The following PLEKHG7 variants were observed in gnomAD, a reference collection of about 807,000 sequenced individuals.
PLEKHG7 encodes the protein pleckstrin homology domain-containing family G member 7.
A neutral mutation model predicts 85.2 loss-of-function variants in PLEKHG7; 77 were observed. The observed-to-expected ratio is 0.90, with a 90% CI of 0.75 to 1.09. PLEKHG7 has a LOEUF of 1.09. Among genes scored for constraint, PLEKHG7 ranks in the 50% least tolerant of loss-of-function variants. The pLI, the probability that PLEKHG7 is intolerant of heterozygous loss-of-function variation, is 0.00. For missense variants in PLEKHG7, 777 were observed against 804.3 expected (o/e 0.97, Z 0.41); for synonymous variants, 301 against 302.4 (o/e 1.00, Z 0.05).
At chr12:92,761,683 A>C in intron 13 of PLEKHG7, 69 bp from the exon 14 acceptor site, 1 of 1,392,824 alleles carries the variant, frequency 7.2e-7, no homozygotes. Context: ...AGAAAGAAAG[A>C]AAGGGAAAGA....
intron 1 of PLEKHG7, among the ~76,000 whole-genome samples, chr12:92,705,641 C>A: frequency 6.6e-6 from 1 of 152,352 alleles, no homozygotes; most frequent in Middle Eastern, 3.4e-3. Flanking sequence ...ATGGGTCTCT[C>A]GCCTGTCCCA....
intron 7 of PLEKHG7, among the ~76,000 whole-genome samples, chr12:92,737,941 G>A (rs190426998): frequency 2.6e-5 from 4 of 152,286 alleles, no homozygotes; most frequent in Admixed American, 2.0e-4. Flanking sequence ...CCCATCCGAT[G>A]TTGAATGAAT....
chr12:92,718,985 G>A (rs949073604), intron 3 of PLEKHG7, among the ~76,000 whole-genome samples: 1 of 152,174 alleles, frequency 6.6e-6, no homozygotes, highest in African/African-American at 2.4e-5. Flanking sequence ...TGTTCACTCT[G>A]CATTTATGAG....
At chr12:92,725,531 G>A (rs1871769116) in intron 3 of PLEKHG7, among the ~76,000 whole-genome samples, 1 of 152,134 alleles carries the variant, frequency 6.6e-6, no homozygotes, top group Non-Finnish European at 1.5e-5. Flanking sequence ...GCCCTGATCT[G>A]GTGGAGACAT....
chr12:92,735,842 GC>G (rs1872129576), intron 5 of PLEKHG7, among the ~76,000 whole-genome samples: 1 of 151,826 alleles, frequency 6.6e-6, no homozygotes, highest in Non-Finnish European at 1.5e-5. Flanking sequence ...CACATTTCAT[GC>G]TTTTTTTTGT....
intron 16 of PLEKHG7, among the ~76,000 whole-genome samples, chr12:92,769,549 G>GT (rs1873338586): frequency 1.3e-5 from 2 of 152,256 alleles, no homozygotes; most frequent in East Asian, 3.9e-4. Flanking sequence ...AACTGCCATT[G>GT]TTTTTACAGC....
intron 5 of PLEKHG7, among the ~76,000 whole-genome samples, chr12:92,732,606 A>ATGCC (rs1387239109): frequency 3.9e-5 from 6 of 152,244 alleles, no homozygotes; most frequent in Admixed American, 3.9e-4. Context: ...GCACAAATGT[A>ATGCC]TGCCCCAGTT....
At chr12:92,713,031 G>A (rs1240316967) in intron 3 of PLEKHG7, among the ~76,000 whole-genome samples, 4 of 152,180 alleles carry the variant, frequency 2.6e-5, no homozygotes, top group Admixed American at 1.3e-4. Flanking sequence ...AAAGGCCAGA[G>A]GTCTCCATAG....
In PLEKHG7 at chr12:92,736,446, T is replaced by C. The variant is rs184371397; in HGVS notation, c.700-36T>C. The C allele has an allele frequency of 3.1e-4, 359 of 1,153,690 alleles. 2 individuals are homozygous for C. In the East Asian group the frequency reaches 0.01, roughly 33 times the overall value. 71.5% of individuals were successfully genotyped at this position (1,153,690 alleles called of 1,614,324 possible). ...CGAAGTCATGTCATTAAAGAATCAA[T>C]GTTTGAAAATCCTGTTTCTAACCAT... On this transcript the variant is annotated intron_variant, in intron 5 of 16. Transcript: ENST00000344636.
intron 15 of PLEKHG7, among the ~76,000 whole-genome samples, chr12:92,766,401 G>C (rs1323953116): frequency 3.3e-5 from 5 of 152,192 alleles, no homozygotes; most frequent in Admixed American, 3.3e-4. Context: ...AGAGGATGCA[G>C]CTTGGCTGAG....
At chr12:92,740,970 A>T in intron 8 of PLEKHG7, 22 bp downstream of exon 8, 2 of 1,508,410 alleles carry the variant, frequency 1.3e-6, no homozygotes, top group South Asian at 1.1e-5. Flanking sequence ...AGGAAGATTC[A>T]TGTTTTAACA....
intron 9 of PLEKHG7, among the ~76,000 whole-genome samples, chr12:92,742,293 T>C (rs1872381824): frequency 6.6e-6 from 1 of 152,144 alleles, no homozygotes; most frequent in African/African-American, 2.4e-5. Flanking sequence ...ATTGTAAGTC[T>C]TGTAGGGGAG....
At chr12:92,766,735 C>T (rs578172013) in intron 15 of PLEKHG7, among the ~76,000 whole-genome samples, 1 of 152,222 alleles carries the variant, frequency 6.6e-6, no homozygotes, top group Admixed American at 6.5e-5. Flanking sequence ...GAGACAAAGG[C>T]ACGAGAATCA....
At position 92,755,942 on chromosome 12, in the gene PLEKHG7, T is replaced by G; in HGVS notation, c.1542+2T>G. 6.3e-7 allele frequency: 1 copy of G among 1,578,944 alleles called. No individual in the cohort carries two copies. The highest frequency in any genetic ancestry group is 8.6e-7 in the Non-Finnish European group (1 of 1,160,578). On this transcript the variant is annotated splice_donor_variant, in intron 12 of 16. Transcript: ENST00000344636. LOFTEE classifies it high-confidence loss of function. The stretch of plus-strand genomic sequence containing the variant: ...GATAAAAGGTTTTTCATTCCAGAGG[T>G]ACAAAAAAAAAATCAATTAGGACTT...
rs930976242 is a variant in PLEKHG7 at position 92,740,889 on chromosome 12, G to A, written c.976G>A (p.Glu326Lys). The change falls in exon 8 of 17, where the codon GAA (glutamate) becomes AAA (lysine). Residue 326 changes from glutamate to lysine, a missense_variant. This residue lies in a region of PLEKHG7 where 520 missense variants were observed against 544.0 expected (regional missense o/e 0.96). Coordinates refer to ENST00000344636, the MANE Select transcript of PLEKHG7 (RefSeq NM_001377329.1). ...MNTLRYLQTH[E>K]YLLDVDLWRL... ...TACACTAAGATATCTGCAAACTCAT[G>A]AATATCTCCTAGATGTGGATTTATG... 3 of 1,611,470 alleles carry A rather than the reference G, an allele frequency of 1.9e-6. No individual in the cohort carries two copies. Among genetic ancestry groups the A allele is most frequent in the Middle Eastern group, 3.3e-4 (2 of 6,048 alleles).
intron 13 of PLEKHG7, among the ~76,000 whole-genome samples, chr12:92,757,718 A>C (rs916185518): frequency 1.3e-5 from 2 of 152,176 alleles, no homozygotes; most frequent in Non-Finnish European, 2.9e-5. Context: ...TAAATGACCG[A>C]GTACCAGCTG....
intron 3 of PLEKHG7, among the ~76,000 whole-genome samples, chr12:92,717,872 C>T (rs1174103823): frequency 6.6e-6 from 1 of 152,190 alleles, no homozygotes; most frequent in African/African-American, 2.4e-5. Flanking sequence ...TGTAGTGTTC[C>T]TCTCACAGGT....
intron 13 of PLEKHG7, among the ~76,000 whole-genome samples, chr12:92,757,938 C>T (rs996157865): frequency 1.3e-5 from 2 of 152,184 alleles, no homozygotes; most frequent in African/African-American, 4.8e-5. Context: ...AGTGGTGAAA[C>T]CGGAAGTTCA....
chr12:92,753,175 T>A (rs1872737605), intron 10 of PLEKHG7, among the ~76,000 whole-genome samples: 1 of 152,136 alleles, frequency 6.6e-6, no homozygotes, highest in Non-Finnish European at 1.5e-5. Context: ...CAGGGTCAAT[T>A]TGGTGTGAGT....
Sources: allele counts gnomAD v4.1 joint callset (sites outside exome capture counted in the v4.1 genomes callset), GRCh38; gene constraint gnomAD v4.1.1; regional missense constraint gnomAD v4.1.1; transcripts MANE v1.5; gene names NCBI Gene and HGNC (gene_info 2026-07-23, HGNC 2026-07-21).